HNF4G: variants seen among roughly 807,000 people sequenced by gnomAD.
HNF4G encodes hepatocyte nuclear factor 4-gamma.
A neutral mutation model predicts 50.9 loss-of-function variants in HNF4G; 21 were observed. That is an observed-to-expected ratio of 0.41 (90% CI 0.29 to 0.59). The LOEUF is 0.59. Ranked by LOEUF, HNF4G falls within the 20% of genes least tolerant of loss-of-function variation. The pLI is 0.26. For missense variants in HNF4G, 527 were observed against 559.4 expected (o/e 0.94, Z 0.58); for synonymous variants, 198 against 185.6 (o/e 1.07, Z -0.54).
intron 2 of HNF4G, among the ~76,000 whole-genome samples, chr8:75,525,246 T>C (rs1449458560): frequency 2.0e-5 from 3 of 152,148 alleles, no homozygotes; most frequent in African/African-American, 7.2e-5. Flanking sequence ...CTTGGCTTAC[T>C]GCAACCTCCG....
upstream of HNF4G, among the ~76,000 whole-genome samples, chr8:75,537,209 G>A (rs1160416153): frequency 4.7e-5 from 7 of 149,106 alleles, no homozygotes; most frequent in Non-Finnish European, 7.4e-5. Context: ...GCTATCTAAT[G>A]CAACATGAGC....
At chr8:75,435,517 A>G (rs1411482093) in intron 1 of HNF4G, among the ~76,000 whole-genome samples, 1 of 152,186 alleles carries the variant, frequency 6.6e-6, no homozygotes, top group East Asian at 1.9e-4. Flanking sequence ...TCAATTCAAC[A>G]TTGTACTACA....
chr8:75,541,422 G>A (rs1806617902), intron 1 of HNF4G, among the ~76,000 whole-genome samples: 1 of 151,930 alleles, frequency 6.6e-6, no homozygotes. Flanking sequence ...CTTTCATATT[G>A]TCAATATCTG....
intron 1 of HNF4G, among the ~76,000 whole-genome samples, chr8:75,430,686 A>G (rs1246003700): frequency 6.6e-6 from 1 of 152,238 alleles, no homozygotes; most frequent in Non-Finnish European, 1.5e-5. Context: ...TTTAAGTGAC[A>G]CTTGGTTGAT....
At chr8:75,508,159 C>T (rs1254489071) in intron 2 of HNF4G, among the ~76,000 whole-genome samples, 1 of 152,114 alleles carries the variant, frequency 6.6e-6, no homozygotes, top group Non-Finnish European at 1.5e-5. Context: ...TGACCCTTTT[C>T]TGTATACAGA....
At chr8:75,466,987 A>T (rs1348914889) in intron 1 of HNF4G, among the ~76,000 whole-genome samples, 1 of 152,004 alleles carries the variant, frequency 6.6e-6, no homozygotes, top group East Asian at 1.9e-4. Flanking sequence ...ACCTGGCCTG[A>T]CCATTCATTC....
At chr8:75,510,183 T>TA (rs1034786918) in intron 2 of HNF4G, among the ~76,000 whole-genome samples, 16 of 150,172 alleles carry the variant, frequency 1.1e-4, no homozygotes, top group African/African-American at 2.7e-4. Flanking sequence ...GTTTAAAAAG[T>TA]AAAAAAAAAT....
chr8:75,488,762 T>C (rs1187639520), intron 1 of HNF4G, among the ~76,000 whole-genome samples: 6 of 152,176 alleles, frequency 3.9e-5, no homozygotes, highest in African/African-American at 1.4e-4. Flanking sequence ...TTTGATAGCC[T>C]TTCTCATTCT....
intron 1 of HNF4G, among the ~76,000 whole-genome samples, chr8:75,455,686 G>A (rs76544834): frequency 0.038 from 5,807 of 152,180 alleles, 133 homozygotes; most frequent in South Asian, 0.055. Context: ...CATTGAATTA[G>A]TAAAATATAA....
chr8:75,427,146 G>T (rs1408533323), intron 1 of HNF4G, among the ~76,000 whole-genome samples: 1 of 152,112 alleles, frequency 6.6e-6, no homozygotes, highest in Non-Finnish European at 1.5e-5. Flanking sequence ...CTGGTTATTT[G>T]CAGGTATTCT....
chr8:75,560,248 G>A (rs1807266956), intron 8 of HNF4G, 96 bp from the exon 9 acceptor site: 3 of 1,316,926 alleles, frequency 2.3e-6, no homozygotes, highest in East Asian at 2.4e-5. Context: ...GGCAAAAATA[G>A]CGATATTTAA....
chr8:75,434,231 T>C (rs1811085717), intron 1 of HNF4G, among the ~76,000 whole-genome samples: 1 of 151,806 alleles, frequency 6.6e-6, no homozygotes, highest in Non-Finnish European at 1.5e-5. Flanking sequence ...CTCGATCTCC[T>C]GACCTCATGA....
intron 9 of HNF4G, among the ~76,000 whole-genome samples, chr8:75,563,249 A>T (rs1339979957): frequency 1.3e-5 from 2 of 152,166 alleles, no homozygotes; most frequent in Non-Finnish European, 2.9e-5. Context: ...ATTTTATAAT[A>T]TGGTTAGATT....
rs540531606 is a variant in HNF4G at position 75,488,111 on chromosome 8, A to G, written c.-143-1978A>G. On this transcript the variant is annotated intron_variant, in intron 1 of 10. Transcript: ENST00000354370. ...AATTCAAAATGAGATTTGGGTGGGG[A>G]CACAGACAAACCATATCACTCCTTG... Among the ~76,000 whole-genome samples the G allele has an allele frequency of 1.2e-4, 18 of 152,280 alleles. No individual in the cohort carries two copies. In the South Asian group the frequency reaches 3.7e-3, roughly 32 times the overall value.
chr8:75,419,309 C>T (rs1287986158), intron 1 of HNF4G, among the ~76,000 whole-genome samples: 1 of 152,130 alleles, frequency 6.6e-6, no homozygotes, highest in East Asian at 1.9e-4. Context: ...GGTTCAGGTC[C>T]TCATACAGGC....
chr8:75,414,909 A>G (rs1310775685), intron 1 of HNF4G, among the ~76,000 whole-genome samples: 2 of 152,200 alleles, frequency 1.3e-5, no homozygotes, highest in East Asian at 3.8e-4. Flanking sequence ...ATGATTACCT[A>G]GGAATAGAAT....
At chr8:75,435,493 CT>C (rs915865824) in intron 1 of HNF4G, among the ~76,000 whole-genome samples, 1 of 152,150 alleles carries the variant, frequency 6.6e-6, no homozygotes, top group Non-Finnish European at 1.5e-5. Context: ...TCAATGATGC[CT>C]GTTTTCACCA....
At chr8:75,538,044 T>C (rs1806516648), upstream of HNF4G, among the ~76,000 whole-genome samples, 1 of 152,180 alleles carries the variant, frequency 6.6e-6, no homozygotes, top group Non-Finnish European at 1.5e-5. Flanking sequence ...CTGAATTCCG[T>C]GGGTGTTTCT....
At chr8:75,408,360 G>A (rs531979155) in intron 1 of HNF4G, among the ~76,000 whole-genome samples, 1 of 152,240 alleles carries the variant, frequency 6.6e-6, no homozygotes, top group Non-Finnish European at 1.5e-5. Context: ...GGTCTTCCGT[G>A]TAAGTACTTC....
Sources: gnomAD v4.1 joint callset for allele counts (sites outside exome capture counted in the v4.1 genomes callset) on GRCh38, gnomAD v4.1.1 for gene constraint, MANE v1.5 for transcripts, NCBI Gene and HGNC (gene_info 2026-07-23, HGNC 2026-07-21) for gene names.